The following GSN variants were observed in gnomAD, a reference collection of about 807,000 sequenced individuals.
GSN encodes the protein actin-depolymerizing factor.
Under a neutral mutation model 85.7 loss-of-function variants are expected in GSN, and 56 were observed. That is an observed-to-expected ratio of 0.65 (90% CI 0.53 to 0.82). GSN has a LOEUF of 0.82. Ranked by LOEUF, GSN falls within the 40% of genes least tolerant of loss-of-function variation. The pLI is 0.00. For synonymous variants in GSN, 373 were observed against 399.1 expected (o/e 0.93, Z 0.78); for missense variants, 857 against 979.8 (o/e 0.87, Z 1.67).
intron 2 of GSN, chr9:121,286,686 T>G (rs1336633993): frequency 6.5e-7 from 1 of 1,535,280 alleles, no homozygotes; most frequent in Non-Finnish European, 8.7e-7. Context: ...GGAGACAATT[T>G]GTGATTGAAC....
intron 1 of GSN, among the ~76,000 whole-genome samples, chr9:121,274,775 C>T (rs1252948693): frequency 2.0e-5 from 3 of 152,138 alleles, no homozygotes; most frequent in Non-Finnish European, 4.4e-5. Flanking sequence ...GAAGACAAAC[C>T]AGGGTGATTC....
intron 2 of GSN, among the ~76,000 whole-genome samples, chr9:121,289,323 G>A (rs2058457197): frequency 6.6e-6 from 1 of 152,160 alleles, no homozygotes. Flanking sequence ...GGCTCAGGAA[G>A]GGTTTGCCAG....
In GSN at chr9:121,229,110, G is replaced by A. The variant is rs566148187; in HGVS notation, c.-527-2055G>A. On this transcript the variant is annotated intron_variant, in intron 4 of 24. Transcript: ENST00000373823. The stretch of plus-strand genomic sequence containing the variant: ...TATCCTTTATAGCTTTTTAATTTTC[G>A]TCCAGTAGTATAGAGAGCACATAAT... 2.2e-4 allele frequency among the ~76,000 whole-genome samples: 33 copies of A among 152,112 alleles called. No homozygotes were observed. In the South Asian group the frequency reaches 2.7e-3, roughly 12 times the overall value.
In GSN at chr9:121,281,260, C is replaced by T. The variant is rs2057330627; in HGVS notation, c.-102-210C>T. ...AAGAAGAGAGAGATTTTAGTGCATCCTTAGGACAATTCTTTTACGCAGCCA... is the reference window on the plus strand; with the variant it reads ...AAGAAGAGAGAGATTTTAGTGCATCTTTAGGACAATTCTTTTACGCAGCCA... On this transcript the variant is annotated intron_variant, in intron 1 of 17. Transcript: ENST00000432226. The T allele has an allele frequency of 2.6e-5, 7 of 265,996 alleles. No homozygotes were observed. The South Asian group carries it at 2.8e-4, about 11-fold the overall frequency. The allele number at this position is 265,996 out of a possible 1,614,324, so 16.5% of individuals were successfully genotyped here.
At chr9:121,306,587 A>T (rs2060447464) in intron 4 of GSN, among the ~76,000 whole-genome samples, 2 of 152,256 alleles carry the variant, frequency 1.3e-5, no homozygotes, top group Admixed American at 6.5e-5. Flanking sequence ...TTTAATTTGG[A>T]AAATGGCTTT....
chr9:121,310,503 G>A (rs935602412), intron 4 of GSN, 181 bp from the exon 5 acceptor site: 34 of 680,622 alleles, frequency 5.0e-5, no homozygotes, highest in African/African-American at 1.4e-4. Flanking sequence ...TTCCTACTCT[G>A]AAACAGTCTC....
At chr9:121,316,878 C>A (rs1422141922) in intron 7 of GSN, among the ~76,000 whole-genome samples, 2 of 151,854 alleles carry the variant, frequency 1.3e-5, no homozygotes, top group Non-Finnish European at 2.9e-5. Flanking sequence ...TTCCCATGTG[C>A]AGTTTGTGTT....
At chr9:121,322,356 A>G (rs1367235992) in intron 11 of GSN, among the ~76,000 whole-genome samples, 1 of 152,250 alleles carries the variant, frequency 6.6e-6, no homozygotes, top group African/African-American at 2.4e-5. Flanking sequence ...ATGTCAGTAC[A>G]TAGAGACAGA....
At chr9:121,223,339 GACTA>G (rs1224526981) in intron 4 of GSN, among the ~76,000 whole-genome samples, 5 of 152,064 alleles carry the variant, frequency 3.3e-5, no homozygotes, top group African/African-American at 9.7e-5. Context: ...GCTCATGTCT[GACTA>G]ACTACCTACT....
chr9:121,262,643 T>TTAGCA (rs2055111651), intron 6 of GSN, among the ~76,000 whole-genome samples: 1 of 152,236 alleles, frequency 6.6e-6, no homozygotes, highest in Non-Finnish European at 1.5e-5. Flanking sequence ...CTTATGCTGT[T>TTAGCA]TAGCATCTTA....
chr9:121,264,788 C>G (rs559696727), upstream of GSN, among the ~76,000 whole-genome samples: 1 of 152,182 alleles, frequency 6.6e-6, no homozygotes, highest in Non-Finnish European at 1.5e-5. Flanking sequence ...CCACAGGTTA[C>G]AGTGGGAGCA....
chr9:121,228,416 A>ATG (rs2054313891), intron 4 of GSN, among the ~76,000 whole-genome samples: 1 of 60,390 alleles, frequency 1.7e-5, no homozygotes, highest in East Asian at 4.3e-4. Context: ...ATATATATAT[A>ATG]TATATATATT....
intron 6 of GSN, chr9:121,313,597 G>A: frequency 2.6e-6 from 1 of 381,020 alleles, no homozygotes; most frequent in Middle Eastern, 8.5e-4. Flanking sequence ...TGGCTGCGAG[G>A]ATGCAGTGAC....
At chr9:121,236,824 C>T (rs186268742) in intron 5 of GSN, among the ~76,000 whole-genome samples, 16 of 152,268 alleles carry the variant, frequency 1.1e-4, no homozygotes, top group Admixed American at 5.2e-4. Context: ...GAGGTAGGTC[C>T]GAAAGCAGAA....
At chr9:121,328,512 A>T (rs1210325620) in intron 14 of GSN, among the ~76,000 whole-genome samples, 1 of 152,226 alleles carries the variant, frequency 6.6e-6, no homozygotes, top group East Asian at 1.9e-4. Context: ...AGGTGTTAGA[A>T]TCAGACAAGA....
At chr9:121,216,040 C>T (rs576236687) in intron 4 of GSN, among the ~76,000 whole-genome samples, 2 of 152,076 alleles carry the variant, frequency 1.3e-5, no homozygotes, top group African/African-American at 4.8e-5. Context: ...TCACTGTAGC[C>T]TCTGCCTCCC....
intron 1 of GSN, among the ~76,000 whole-genome samples, chr9:121,275,977 A>G (rs76384538): frequency 0.024 from 3,727 of 152,246 alleles, 169 homozygotes; most frequent in African/African-American, 0.085. Flanking sequence ...TCTGACATTT[A>G]GATTTAACTG....
At chr9:121,233,530 G>A (rs2054433584) in intron 5 of GSN, among the ~76,000 whole-genome samples, 1 of 152,032 alleles carries the variant, frequency 6.6e-6, no homozygotes, top group African/African-American at 2.4e-5. Context: ...GACCACTGAG[G>A]CACAGGAGGT....
chr9:121,300,020 G>GA, intron 2 of GSN: 1 of 1,507,444 alleles, frequency 6.6e-7, no homozygotes. Flanking sequence ...GTGCCCGGGG[G>GA]GCCCCGGGGC....
Sources: gnomAD v4.1 joint callset for allele counts (sites outside exome capture counted in the v4.1 genomes callset) on GRCh38, gnomAD v4.1.1 for gene constraint, MANE v1.5 for transcripts, NCBI Gene and HGNC (gene_info 2026-07-23, HGNC 2026-07-21) for gene names.